The following GBP3 variants were observed in gnomAD, a reference collection of about 807,000 sequenced individuals.
The protein encoded by GBP3 is guanylate-binding protein 3.
GBP3 carries 55 observed loss-of-function variants against 62.4 expected under a neutral mutation model. That is an observed-to-expected ratio of 0.88 (90% CI 0.71 to 1.10). The LOEUF (loss-of-function observed/expected upper bound fraction) is 1.10, where lower values mean the gene tolerates loss of function less well. Among genes scored for constraint, GBP3 ranks in the 50% least tolerant of loss-of-function variants. The probability of loss-of-function intolerance (pLI) is 0.00; values close to 1 mark genes in which losing one functional copy is unlikely to be tolerated. For synonymous variants in GBP3, 208 were observed against 259.2 expected, an observed-to-expected ratio of 0.80 and a Z score of 1.90; for missense variants, 605 against 690.6, an observed-to-expected ratio of 0.88 and a Z score of 1.39.
chr1:89,013,431 G>C lies in GBP3; in HGVS notation c.626-4C>G. 6.2e-7 allele frequency: 1 copy of C among 1,600,408 alleles called. No individual in the cohort carries two copies. The highest frequency in any genetic ancestry group is 8.5e-7 in the Non-Finnish European group (1 of 1,175,246). On this transcript the variant is annotated splice_polypyrimidine_tract_variant and splice_region_variant and intron_variant, in intron 5 of 10. Coordinates refer to ENST00000370481, the MANE Select transcript of GBP3 (RefSeq NM_018284.3). ...TTTTTATCTTTTTGACTGGTACCTAGAGAAACATAATAAAGAAATTTGCCT... is the reference window on the plus strand; with the variant it reads ...TTTTTATCTTTTTGACTGGTACCTACAGAAACATAATAAAGAAATTTGCCT...
chr1:89,010,772 A>G, intron 8 of GBP3, 132 bp downstream of exon 8: 1 of 1,191,264 alleles, frequency 8.4e-7, no homozygotes, highest in South Asian at 1.3e-5. Flanking sequence ...CTCCCTGCAT[A>G]TGTTATTGAA....
rs751639388 is a variant in GBP3 at position 89,021,510 on chromosome 1, G to GCGCGCACACACA, written c.-22-768_-22-767insTGTGTGTGCGCG. On this transcript the variant is annotated intron_variant, in intron 1 of 10. Coordinates refer to ENST00000370481, the MANE Select transcript of GBP3 (RefSeq NM_018284.3). ...CTAAGAAACACGCATGCGCGCGCGC[G>GCGCGCACACACA]CACACACACACACACACACACACAC... Among the ~76,000 whole-genome samples the GCGCGCACACACA allele has an allele frequency of 4.0e-3, 523 of 131,724 alleles. 5 individuals are homozygous for GCGCGCACACACA. Among genetic ancestry groups the GCGCGCACACACA allele is most frequent in the African/African-American group, 0.012 (405 of 33,280 alleles). 86.4% of individuals were successfully genotyped at this position (131,724 alleles called of 152,430 possible).
In GBP3 at chr1:89,022,680, T is replaced by C. The variant is rs1481288957; in HGVS notation, c.-23+4A>G. On this transcript the variant is annotated splice_donor_region_variant and intron_variant, in intron 1 of 10. Coordinates refer to ENST00000370481, the MANE Select transcript of GBP3 (RefSeq NM_018284.3). ...GCTGGAGAGGAAGCAATAGGAGTTC[T>C]TACCTGTGCTTTTATCTTCAGTCCA... 6.6e-6 allele frequency: 1 copy of C among 152,254 alleles called. No individual in the cohort carries two copies. Among genetic ancestry groups the C allele is most frequent in the Non-Finnish European group, 1.5e-5 (1 of 68,056 alleles). 9.4% of individuals were successfully genotyped at this position (152,254 alleles called of 1,614,324 possible).
In GBP3 at chr1:89,009,386, C is replaced by T. The variant is rs200901183; in HGVS notation, c.1465+6G>A. 2.1e-5 allele frequency: 34 copies of T among 1,612,990 alleles called. No homozygotes were observed. In the East Asian group the frequency reaches 7.4e-4, roughly 35 times the overall value. ...GGATAATCTGATCCTTTGACTTGCT[C>T]CTCACCTTCAATCTCCTTTTCCTTT... is the stretch of plus-strand genomic sequence containing the variant. On this transcript the variant is annotated splice_donor_region_variant and intron_variant, in intron 9 of 10. Coordinates refer to ENST00000370481, the MANE Select transcript of GBP3 (RefSeq NM_018284.3).
intron 3 of GBP3, 31 bp downstream of exon 3, chr1:89,015,256 C>A (rs1443557819): frequency 1.1e-5 from 17 of 1,559,692 alleles, no homozygotes; most frequent in Non-Finnish European, 1.5e-5. Context: ...AGATGAGGGG[C>A]TTATTTCAAA....
chr1:89,008,891 C>T (rs1245153505), intron 10 of GBP3, 56 bp downstream of exon 10: 1 of 1,611,204 alleles, frequency 6.2e-7, no homozygotes. Flanking sequence ...AGTTTGTGAT[C>T]AGGAAGAACA....
At position 89,010,576 on chromosome 1, in the gene GBP3, C is replaced by A. The variant is rs1412883745; in HGVS notation, c.1362+328G>T. Among the ~76,000 whole-genome samples, 5 of 138,164 alleles carry A rather than the reference C, an allele frequency of 3.6e-5. 1 individual carries two copies. The highest frequency in any genetic ancestry group is 5.0e-5 in the Non-Finnish European group (3 of 59,982). 90.6% of individuals were successfully genotyped at this position (138,164 alleles called of 152,430 possible). A position where few individuals can be genotyped will look rare whatever the true frequency, so the allele number is the denominator to read the frequency against. On this transcript the variant is annotated intron_variant, in intron 8 of 10. Coordinates refer to ENST00000370481, the MANE Select transcript of GBP3 (RefSeq NM_018284.3). Reference sequence around the variant, plus strand: ...TACAGGCATGTGCAACAGTGCCCAGCTAATTTTTATATTCTTACTAGAGAC... The same window carrying A: ...TACAGGCATGTGCAACAGTGCCCAGATAATTTTTATATTCTTACTAGAGAC...
intron 5 of GBP3, 149 bp from the exon 6 acceptor site, chr1:89,013,576 G>A (rs1678711064): frequency 2.6e-6 from 2 of 772,030 alleles, no homozygotes; most frequent in Admixed American, 2.8e-5. Context: ...TAGACAATAT[G>A]TAAATGAATG....
intron 10 of GBP3, among the ~76,000 whole-genome samples, chr1:89,008,339 G>A (rs921694754): frequency 2.6e-5 from 4 of 151,010 alleles, no homozygotes; most frequent in African/African-American, 4.9e-5. Flanking sequence ...AAGGAAATCC[G>A]AGTGCCAGAC....
rs906362929 is a variant in GBP3 at position 89,010,505 on chromosome 1, C to G, written c.1362+399G>C. Reference sequence around the variant, plus strand: ...TGCAATCTTGGCTCACTGAACCTCCCGGGCTCAAGCAATTCTCCTGCCTCA... The same window carrying G: ...TGCAATCTTGGCTCACTGAACCTCCGGGGCTCAAGCAATTCTCCTGCCTCA... On this transcript the variant is annotated intron_variant, in intron 8 of 10. Coordinates refer to ENST00000370481, the MANE Select transcript of GBP3 (RefSeq NM_018284.3). Among the ~76,000 whole-genome samples the G allele has an allele frequency of 2.0e-4, 27 of 135,972 alleles. 3 individuals are homozygous for G. Among genetic ancestry groups the G allele is most frequent in the Middle Eastern group, 8.1e-3 (2 of 248 alleles). The allele number at this position is 135,972 out of a possible 152,430, so 89.2% of individuals were successfully genotyped here.
chr1:89,015,265 A>T, intron 3 of GBP3, 22 bp downstream of exon 3: 1 of 1,572,966 alleles, frequency 6.4e-7, no homozygotes. Context: ...GCTTATTTCA[A>T]AATTGAATCT....
At chr1:89,014,944 T>C (rs554419731) in intron 3 of GBP3, among the ~76,000 whole-genome samples, 1 of 152,334 alleles carries the variant, frequency 6.6e-6, no homozygotes, top group East Asian at 1.9e-4. Context: ...AGGCCTGAAG[T>C]ATAATTTAAA....
At chr1:89,019,580 C>A (rs1679074073) in intron 2 of GBP3, among the ~76,000 whole-genome samples, 1 of 152,076 alleles carries the variant, frequency 6.6e-6, no homozygotes, top group African/African-American at 2.4e-5. Context: ...GAGTGCCCAG[C>A]CAAAAAGGAA....
intron 6 of GBP3, 56 bp downstream of exon 6, chr1:89,013,128 AT>A: frequency 6.4e-7 from 1 of 1,574,598 alleles, no homozygotes; most frequent in Non-Finnish European, 8.7e-7. Flanking sequence ...ATGAACCATC[AT>A]GCCTGGCCAT....
rs770711450 is a variant in GBP3 at position 89,014,299 on chromosome 1, A to T, written c.429-20T>A. The T allele has an allele frequency of 1.2e-6, 2 of 1,613,866 alleles. No homozygotes were observed. Among genetic ancestry groups the T allele is most frequent in the African/African-American group, 1.3e-5 (1 of 74,928 alleles). Reference sequence around the variant, plus strand: ...ACATAGCTGAGTAGCTAACTAAGGAAATGTGACAAAATGAACAGGAACCTC... The same window carrying T: ...ACATAGCTGAGTAGCTAACTAAGGATATGTGACAAAATGAACAGGAACCTC... On this transcript the variant is annotated intron_variant, in intron 4 of 10. Coordinates refer to ENST00000370481, the MANE Select transcript of GBP3 (RefSeq NM_018284.3).
Position 89,014,214 on chromosome 1 carries a change from T to TCGTCAA in GBP3, c.493_494insTTGACG (p.Glu164_Asp165insValAsp). 1 of 1,614,224 alleles carries TCGTCAA rather than the reference T, an allele frequency of 6.2e-7. No homozygotes were observed. Among genetic ancestry groups the TCGTCAA allele is most frequent in the Non-Finnish European group, 8.5e-7 (1 of 1,180,042 alleles). On this transcript the variant is annotated inframe_insertion, in exon 5 of 11. Transcript: ENST00000370481. ...GAAGAAGCTCACAAAGTCAGCTGAATCCTCATTCTCATTCTCATCAGGTGA... is the reference window on the plus strand; with the variant it reads ...GAAGAAGCTCACAAAGTCAGCTGAATCGTCAACCTCATTCTCATTCTCATCAGGTGA...
intron 6 of GBP3, 62 bp from the exon 7 acceptor site, chr1:89,012,089 AT>A: frequency 7.5e-7 from 1 of 1,336,952 alleles, no homozygotes; most frequent in Non-Finnish European, 1.0e-6. Flanking sequence ...ATTCTGTGTA[AT>A]TCTGAACATG....
At chr1:89,008,857 CTTT>C in intron 10 of GBP3, 87 bp downstream of exon 10, 1 of 1,589,594 alleles carries the variant, frequency 6.3e-7, no homozygotes, top group Non-Finnish European at 8.6e-7. Context: ...TTCCCCTGGG[CTTT>C]ATGTTCGCTC....
chr1:89,008,773 G>A, intron 10 of GBP3, 174 bp downstream of exon 10: 1 of 1,247,704 alleles, frequency 8.0e-7, no homozygotes, highest in East Asian at 2.6e-5. Context: ...AACTTTTAGT[G>A]ACCACATGTA....
Sources: allele counts gnomAD v4.1 joint callset (sites outside exome capture counted in the v4.1 genomes callset), GRCh38; gene constraint gnomAD v4.1.1; transcripts MANE v1.5; gene names NCBI Gene and HGNC (gene_info 2026-07-23, HGNC 2026-07-21).